Variants in RNF2 observed in about 807,000 individuals in gnomAD.
RNF2 encodes E3 ubiquitin-protein ligase RING2.
In RNF2, 6 loss-of-function variants were observed where a neutral mutation model predicts 37.2. The observed-to-expected ratio is 0.16, with a 90% confidence interval of 0.09 to 0.32. The LOEUF (loss-of-function observed/expected upper bound fraction) is 0.32, where lower values mean the gene tolerates loss of function less well. Ranked by LOEUF, RNF2 falls within the 10% of genes least tolerant of loss-of-function variation. The probability of loss-of-function intolerance (pLI) is 1.00; values close to 1 mark genes in which losing one functional copy is unlikely to be tolerated. For missense variants in RNF2, 251 were observed against 404.0 expected (o/e 0.62, Z 3.25); for synonymous variants, 133 against 132.7 (o/e 1.00, Z -0.02).
intron 1 of RNF2, among the ~76,000 whole-genome samples, chr1:185,054,629 AATT>A (rs1054069089): frequency 1.3e-5 from 2 of 152,066 alleles, no homozygotes; most frequent in African/African-American, 2.4e-5. Flanking sequence ...ATTCCTAAAT[AATT>A]GTCTTTCAAG....
chr1:185,078,015 G>T (rs1443073016), intron 1 of RNF2, among the ~76,000 whole-genome samples: 2 of 152,194 alleles, frequency 1.3e-5, no homozygotes, highest in Non-Finnish European at 2.9e-5. Flanking sequence ...GGAGGCCAAG[G>T]CCAGCGGATC....
intron 1 of RNF2, among the ~76,000 whole-genome samples, chr1:185,058,692 T>C (rs191969081): frequency 6.6e-6 from 1 of 152,366 alleles, no homozygotes; most frequent in Non-Finnish European, 1.5e-5. Flanking sequence ...CTTTTTAATA[T>C]TGATTATTTG....
chr1:185,064,318 T>C (rs1223124122), intron 1 of RNF2, among the ~76,000 whole-genome samples: 1 of 152,244 alleles, frequency 6.6e-6, no homozygotes, highest in South Asian at 2.1e-4. Context: ...ATAATAGCTA[T>C]TGTTTATTCT....
At chr1:185,074,355 G>A (rs933785917) in intron 1 of RNF2, among the ~76,000 whole-genome samples, 1 of 152,064 alleles carries the variant, frequency 6.6e-6, no homozygotes, top group Non-Finnish European at 1.5e-5. Flanking sequence ...GGGGTAGGAT[G>A]GGACTGTAGG....
chr1:185,083,416 G>A (rs1008930898), intron 1 of RNF2, among the ~76,000 whole-genome samples: 4 of 152,026 alleles, frequency 2.6e-5, no homozygotes, highest in African/African-American at 9.7e-5. Flanking sequence ...AAGACAGGCT[G>A]GGTTTTTATT....
intron 1 of RNF2, among the ~76,000 whole-genome samples, chr1:185,065,086 A>G (rs1650760048): frequency 6.6e-6 from 1 of 152,158 alleles, no homozygotes; most frequent in Non-Finnish European, 1.5e-5. Context: ...AAAGGATTGT[A>G]AGATGCACCA....
rs779437934 is a variant in RNF2 at position 185,098,133 on chromosome 1, A to G, written c.526A>G (p.Ser176Gly). 14 of 1,614,226 alleles carry G rather than the reference A, an allele frequency of 8.7e-6. No homozygotes were observed. Among genetic ancestry groups the G allele is most frequent in the Non-Finnish European group, 1.2e-5 (14 of 1,180,026 alleles). Residue 176 changes from serine (S) to glycine (G), a missense_variant, in exon 5 of 7, where the codon AGT becomes GGT. This residue lies in a region of RNF2 where 94 missense variants were observed against 99.2 expected (regional missense o/e 0.95). Transcript: ENST00000367510. ...NGSGAEDNGD[S>G]SHCSNASTHS... ...TAGTGGAGCAGAAGATAATGGTGAC[A>G]GTTCACACTGCAGTAATGCATCCAC... is the stretch of plus-strand genomic sequence containing the variant.
chr1:185,081,526 T>A (rs2102186345), intron 1 of RNF2, among the ~76,000 whole-genome samples: 1 of 132,056 alleles, frequency 7.6e-6, no homozygotes, highest in Admixed American at 9.9e-5. Flanking sequence ...CCTGAGTAGC[T>A]GGGATTACAG....
At chr1:185,069,657 G>A (rs1650909558) in intron 1 of RNF2, among the ~76,000 whole-genome samples, 1 of 152,148 alleles carries the variant, frequency 6.6e-6, no homozygotes, top group African/African-American at 2.4e-5. Flanking sequence ...ACAGCAGTGT[G>A]CCTAGCCTAT....
chr1:185,056,736 C>T (rs1021987145), intron 1 of RNF2, among the ~76,000 whole-genome samples: 3 of 146,520 alleles, frequency 2.0e-5, no homozygotes, highest in African/African-American at 5.0e-5. Context: ...TTGCTTAGTC[C>T]TTTTGGAGGT....
chr1:185,073,557 T>C (rs1651050514), intron 1 of RNF2, among the ~76,000 whole-genome samples: 1 of 152,214 alleles, frequency 6.6e-6, no homozygotes, highest in Non-Finnish European at 1.5e-5. Context: ...CAGCAGTTAA[T>C]TTTTTGAGTT....
At chr1:185,051,728 CTAAT>C (rs1344025206) in intron 1 of RNF2, among the ~76,000 whole-genome samples, 1 of 134,824 alleles carries the variant, frequency 7.4e-6, no homozygotes, top group African/African-American at 2.5e-5. Flanking sequence ...CCCTCCTTAA[CTAAT>C]TCTTTTTTTT....
chr1:185,091,784 G>T, intron 3 of RNF2, 45 bp downstream of exon 3: 3 of 1,499,208 alleles, frequency 2.0e-6, no homozygotes, highest in Non-Finnish European at 2.7e-6. Context: ...ATTGTACCAC[G>T]AAAGTGCTTT....
chr1:185,089,864 T>TA (rs1440641595), intron 2 of RNF2, among the ~76,000 whole-genome samples: 1 of 151,394 alleles, frequency 6.6e-6, no homozygotes, highest in African/African-American at 2.4e-5. Flanking sequence ...ACCCTGTCTC[T>TA]ACTAAAAGTA....
intron 1 of RNF2, among the ~76,000 whole-genome samples, chr1:185,073,887 G>A (rs778705032): frequency 9.2e-5 from 14 of 152,132 alleles, no homozygotes; most frequent in Non-Finnish European, 1.9e-4. Context: ...CAGTGGTTAC[G>A]CTACTCAGAG....
chr1:185,090,073 C>T (rs1460278562), intron 2 of RNF2, among the ~76,000 whole-genome samples: 1 of 151,998 alleles, frequency 6.6e-6, no homozygotes, highest in East Asian at 2.0e-4. Flanking sequence ...AGGCGTGTGC[C>T]ACCATGCCCG....
chr1:185,084,511 T>C (rs1034164536), intron 1 of RNF2, among the ~76,000 whole-genome samples: 2 of 152,228 alleles, frequency 1.3e-5, no homozygotes, highest in Non-Finnish European at 2.9e-5. Context: ...TCCCCCTTCT[T>C]ACTTTTGCAA....
At chr1:185,088,194 C>T (rs1241376960) in intron 2 of RNF2, among the ~76,000 whole-genome samples, 1 of 152,156 alleles carries the variant, frequency 6.6e-6, no homozygotes, top group Non-Finnish European at 1.5e-5. Context: ...TGGTTAAACT[C>T]ATCCAGAGAG....
intron 1 of RNF2, among the ~76,000 whole-genome samples, chr1:185,053,364 C>T (rs371652713): frequency 5.3e-5 from 8 of 150,102 alleles, no homozygotes; most frequent in African/African-American, 2.0e-4. Flanking sequence ...GAGACAGGAT[C>T]TTGCTATGTT....
Sources: allele counts gnomAD v4.1 joint callset (sites outside exome capture counted in the v4.1 genomes callset), GRCh38; gene constraint gnomAD v4.1.1; regional missense constraint gnomAD v4.1.1; transcripts MANE v1.5; gene names NCBI Gene and HGNC (gene_info 2026-07-23, HGNC 2026-07-21).